The following NRK variants were observed in gnomAD, a reference collection of about 807,000 sequenced individuals.
The protein encoded by NRK is Nik related kinase.
NRK carries 67 observed loss-of-function variants against 125.2 expected under a neutral mutation model. The observed-to-expected ratio is 0.54, with a 90% CI of 0.44 to 0.66. The LOEUF is 0.66. NRK is among the 30% of genes least tolerant of loss of function. The pLI, the probability that NRK is intolerant of heterozygous loss-of-function variation, is 0.00. For synonymous variants in NRK, 458 were observed against 429.0 expected (o/e 1.07, Z -0.84); for missense variants, 1,224 against 1,192.9 (o/e 1.03, Z -0.38).
rs1461179053 is a variant in NRK at position 105,826,248 on chromosome X, A to G, written c.57+3346A>G. Among the ~76,000 whole-genome samples, 3 of 84,885 alleles carry G rather than the reference A, an allele frequency of 3.5e-5. No homozygotes were observed. In the East Asian group the frequency reaches 1.0e-3, roughly 29 times the overall value. 73.7% of individuals were successfully genotyped at this position (84,885 alleles called of 115,157 possible). ...TAATATATTATCATATATAATATAT[A>G]TGATAATATATATTTCATATATAAT... On this transcript the variant is annotated intron_variant, in intron 1 of 28. Coordinates refer to ENST00000243300, the MANE Select transcript of NRK (RefSeq NM_198465.4).
chrX:105,830,483 G>A (rs1375859842), intron 1 of NRK, among the ~76,000 whole-genome samples: 5 of 109,575 alleles, frequency 4.6e-5, no homozygotes, highest in African/African-American at 1.0e-4. Flanking sequence ...ATAATTACAC[G>A]ACTACTTAAT....
intron 2 of NRK, among the ~76,000 whole-genome samples, chrX:105,846,001 C>G (rs767411828): frequency 9.0e-6 from 1 of 111,150 alleles, no homozygotes; most frequent in African/African-American, 3.3e-5. Context: ...AGAAGAGAAT[C>G]AAGGTCACTC....
intron 27 of NRK, among the ~76,000 whole-genome samples, chrX:105,951,271 C>G (rs1223357585): frequency 1.8e-5 from 2 of 110,993 alleles, no homozygotes; most frequent in Non-Finnish European, 3.8e-5. Flanking sequence ...GGAAACTGAA[C>G]AAACCCTTAT....
chrX:105,922,086 A>T, intron 17 of NRK, 25 bp downstream of exon 17: 2 of 729,912 alleles, frequency 2.7e-6, no homozygotes, highest in South Asian at 5.0e-5. Context: ...TAACACATTA[A>T]TGTCTATTAT....
chrX:105,832,130 G>A (rs2147640333), intron 2 of NRK, among the ~76,000 whole-genome samples: 1 of 111,800 alleles, frequency 8.9e-6, no homozygotes, highest in Non-Finnish European at 1.9e-5. Context: ...TGTAATATAA[G>A]ATCTGTAAGA....
chrX:105,910,996 A>G (rs1003759145), intron 13 of NRK, among the ~76,000 whole-genome samples: 1 of 111,741 alleles, frequency 8.9e-6, no homozygotes, highest in Non-Finnish European at 1.9e-5. Flanking sequence ...GTCTAGGAAA[A>G]TAGGCAACAA....
intron 8 of NRK, among the ~76,000 whole-genome samples, chrX:105,899,828 C>T (rs753628206): frequency 1.8e-5 from 2 of 110,466 alleles, no homozygotes; most frequent in South Asian, 3.9e-4. Context: ...ATTAGCCAGG[C>T]GTGGTGGCAG....
intron 2 of NRK, among the ~76,000 whole-genome samples, chrX:105,840,188 C>A (rs1047464117): frequency 9.0e-6 from 1 of 111,379 alleles, no homozygotes; most frequent in Non-Finnish European, 1.9e-5. Context: ...CTTTTGCTTC[C>A]CAATAAATCT....
Position 105,839,964 on chromosome X carries a change from G to A in NRK, c.123+8845G>A, listed in dbSNP as rs1318233081. On this transcript the variant is annotated intron_variant, in intron 2 of 28. Coordinates refer to ENST00000243300, the MANE Select transcript of NRK (RefSeq NM_198465.4). Reference sequence around the variant, plus strand: ...CAAGTTTTTCCTCAATAAGAAAACAGGTTGAATATTTGCAATGGGGGTGAA... The same window carrying A: ...CAAGTTTTTCCTCAATAAGAAAACAAGTTGAATATTTGCAATGGGGGTGAA... Among the ~76,000 whole-genome samples the A allele has an allele frequency of 9.0e-5, 10 of 111,607 alleles. No individual in the cohort carries two copies. In the Admixed American group the frequency reaches 9.5e-4, roughly 11 times the overall value.
Position 105,822,553 on chromosome X carries a change from C to G in NRK, c.-293C>G, listed in dbSNP as rs2039034676. 3 of 359,826 alleles carry G rather than the reference C, an allele frequency of 8.3e-6. No homozygotes were observed. The highest frequency in any genetic ancestry group is 8.4e-5 in the South Asian group (2 of 23,783). 29.7% of individuals were successfully genotyped at this position (359,826 alleles called of 1,213,427 possible). ...CCTGACGGGGCAGACACAGCGCTCT[C>G]GACACGGAGCACCCTTCTAGCTTCT... On this transcript the variant is annotated 5_prime_UTR_variant, in exon 1 of 29. Coordinates refer to ENST00000243300, the MANE Select transcript of NRK (RefSeq NM_198465.4).
intron 16 of NRK, among the ~76,000 whole-genome samples, chrX:105,919,629 A>G (rs1298665773): frequency 9.0e-6 from 1 of 111,661 alleles, no homozygotes; most frequent in African/African-American, 3.3e-5. Flanking sequence ...CATTGCTGCT[A>G]TAAAAAGGTT....
chrX:105,891,119 A>G (rs2040011474), intron 5 of NRK, among the ~76,000 whole-genome samples: 2 of 112,040 alleles, frequency 1.8e-5, no homozygotes. Context: ...TGCAAAGTAT[A>G]TGCGCTTATG....
rs372894916 is a variant in NRK, at chrX:105,822,832, G to C, written c.-14G>C. 384 of 1,167,320 alleles carry C rather than the reference G, an allele frequency of 3.3e-4. 1 individual carries two copies. The African/African-American group carries it at 5.8e-3, about 18-fold the overall frequency. ...CCAATTCAGTCGCCCGCTCCCGTTC[G>C]GCTCCTCGAAGCCATGGCGGGACCT... On this transcript the variant is annotated 5_prime_UTR_variant, in exon 1 of 29. Coordinates refer to ENST00000243300, the MANE Select transcript of NRK (RefSeq NM_198465.4).
rs1383479530 is a variant in NRK, at chrX:105,955,610, G to A, written c.*10G>A. On this transcript the variant is annotated 3_prime_UTR_variant, in exon 29 of 29. Coordinates refer to ENST00000243300, the MANE Select transcript of NRK (RefSeq NM_198465.4). Reference sequence around the variant, plus strand: ...CAATTATGATGTCTAAAAGTTTCCAGTGATTTATTACCACATTATAAACAT... The same window carrying A: ...CAATTATGATGTCTAAAAGTTTCCAATGATTTATTACCACATTATAAACAT... 3 of 975,694 alleles carry A rather than the reference G, an allele frequency of 3.1e-6. No homozygotes were observed. In the Admixed American group the frequency reaches 7.4e-5, roughly 24 times the overall value. 80.4% of individuals were successfully genotyped at this position (975,694 alleles called of 1,213,427 possible).
At chrX:105,904,299 G>GA (rs2040194115) in intron 9 of NRK, among the ~76,000 whole-genome samples, 2 of 111,676 alleles carry the variant, frequency 1.8e-5, no homozygotes, top group Non-Finnish European at 3.8e-5. Context: ...AACACTTATA[G>GA]AAAAAACCAA....
intron 11 of NRK, 106 bp from the exon 12 acceptor site, chrX:105,908,134 A>G: frequency 2.2e-6 from 1 of 446,849 alleles, no homozygotes; most frequent in Non-Finnish European, 3.7e-6. Context: ...TTGCCCTTGT[A>G]ATTCACTCCA....
At chrX:105,906,640 C>T in intron 11 of NRK, 51 bp downstream of exon 11, 1 of 659,873 alleles carries the variant, frequency 1.5e-6, no homozygotes, top group East Asian at 3.8e-5. Context: ...AGAGTTTATT[C>T]ATGTATTGTT....
chrX:105,871,794 C>T (rs1022355772), intron 2 of NRK, among the ~76,000 whole-genome samples: 1 of 111,584 alleles, frequency 9.0e-6, no homozygotes, highest in Non-Finnish European at 1.9e-5. Context: ...AATTTACCCT[C>T]GTGATACATG....
intron 2 of NRK, among the ~76,000 whole-genome samples, chrX:105,834,977 C>G (rs912808260): frequency 3.6e-5 from 4 of 111,393 alleles, no homozygotes; most frequent in Non-Finnish European, 7.6e-5. Flanking sequence ...ATGTTAAATT[C>G]TCTGTCTGAT....
Sources: gnomAD v4.1 joint callset for allele counts (sites outside exome capture counted in the v4.1 genomes callset) on GRCh38, gnomAD v4.1.1 for gene constraint, MANE v1.5 for transcripts, NCBI Gene and HGNC (gene_info 2026-07-23, HGNC 2026-07-21) for gene names.